Variants in NLGN1 observed in about 807,000 individuals in gnomAD.
NLGN1 encodes the protein neuroligin-1.
A neutral mutation model predicts 65.5 loss-of-function variants in NLGN1; 12 were observed. The observed-to-expected ratio is 0.18, with a 90% confidence interval of 0.12 to 0.30. The LOEUF (loss-of-function observed/expected upper bound fraction) is 0.30. NLGN1 is among the 10% of genes least tolerant of loss of function. NLGN1 has a pLI of 1.00. For synonymous variants in NLGN1, 350 were observed against 359.5 expected (o/e 0.97, Z 0.30); for missense variants, 750 against 1,007.1 (o/e 0.74, Z 3.46).
chr3:173,659,443 A>C (rs1760587712), intron 3 of NLGN1, among the ~76,000 whole-genome samples: 1 of 151,934 alleles, frequency 6.6e-6, no homozygotes, highest in Admixed American at 6.6e-5. Flanking sequence ...TCACTGCATG[A>C]CATAACCATT....
intron 2 of NLGN1, among the ~76,000 whole-genome samples, chr3:173,446,263 G>T (rs1720287671): frequency 7.1e-6 from 1 of 141,564 alleles, no homozygotes. Flanking sequence ...CCCTTCCTGT[G>T]TCCATGTGTT....
rs540170106 is a variant in NLGN1, at chr3:174,038,560, C to A, written c.646+230728C>A. Among the ~76,000 whole-genome samples, 9 of 152,296 alleles carry A rather than the reference C, an allele frequency of 5.9e-5. No individual in the cohort carries two copies. In the East Asian group the frequency reaches 1.7e-3, roughly 29 times the overall value. On this transcript the variant is annotated intron_variant, in intron 4 of 6. Transcript: ENST00000457714. ...TACTAAAAATAAAGTTTAATGCTAA[C>A]CTTTCCACATCATTCTTCTTTAAGG...
intron 4 of NLGN1, among the ~76,000 whole-genome samples, chr3:174,131,651 G>A (rs1394002313): frequency 6.6e-6 from 1 of 152,064 alleles, no homozygotes. Context: ...GTCTGTTTAA[G>A]TAAACTATAA....
intron 3 of NLGN1, among the ~76,000 whole-genome samples, chr3:173,670,513 T>C (rs910017063): frequency 2.0e-5 from 3 of 152,158 alleles, no homozygotes; most frequent in Admixed American, 2.0e-4. Flanking sequence ...AATTATAAGT[T>C]ATTGGTGGTT....
intron 1 of NLGN1, among the ~76,000 whole-genome samples, chr3:173,413,841 T>C (rs73046102): frequency 0.079 from 12,057 of 151,868 alleles, 565 homozygotes; most frequent in Middle Eastern, 0.11. Context: ...GGGCAAAAGG[T>C]TTCAAGAACC....
intron 3 of NLGN1, among the ~76,000 whole-genome samples, chr3:173,626,273 A>G (rs528129912): frequency 2.0e-5 from 3 of 152,232 alleles, no homozygotes; most frequent in East Asian, 1.9e-4. Context: ...GGAAATGAAT[A>G]TTAGTATTAC....
At chr3:173,974,091 A>C (rs1472613422) in intron 4 of NLGN1, among the ~76,000 whole-genome samples, 1 of 152,020 alleles carries the variant, frequency 6.6e-6, no homozygotes, top group Non-Finnish European at 1.5e-5. Flanking sequence ...ACGTAGCCTC[A>C]GGATAAATAA....
At chr3:173,760,728 A>G (rs938946336) in intron 3 of NLGN1, among the ~76,000 whole-genome samples, 4 of 152,026 alleles carry the variant, frequency 2.6e-5, no homozygotes, top group African/African-American at 9.7e-5. Flanking sequence ...AACTTTGATA[A>G]TATTAAACCA....
In NLGN1 at chr3:174,043,177, G is replaced by A. The variant is rs560701814; in HGVS notation, c.647-232138G>A. Among the ~76,000 whole-genome samples, 14 of 152,212 alleles carry A rather than the reference G, an allele frequency of 9.2e-5. No homozygotes were observed. In the East Asian group the frequency reaches 2.5e-3, roughly 27 times the overall value. ...GTTACCTCCACCTGATCCCTCCCAC[G>A]ACATGTGGAGATTATGGGAACTACA... On this transcript the variant is annotated intron_variant, in intron 4 of 6. Transcript: ENST00000457714.
At chr3:174,281,224 A>T (rs765953828) in exon 7 of NLGN1, 2 of 1,613,168 alleles carry the variant, frequency 1.2e-6, no homozygotes, top group Non-Finnish European at 1.7e-6. Flanking sequence ...CACACATTCA[A>T]TACATTTACT....
chr3:173,819,410 C>T (rs188866758), intron 4 of NLGN1, among the ~76,000 whole-genome samples: 4 of 152,266 alleles, frequency 2.6e-5, no homozygotes, highest in African/African-American at 7.2e-5. Context: ...CACAGTTTTC[C>T]TGTCATTCCA....
intron 4 of NLGN1, among the ~76,000 whole-genome samples, chr3:173,964,350 T>G (rs559022288): frequency 1.3e-5 from 2 of 152,186 alleles, no homozygotes; most frequent in Non-Finnish European, 2.9e-5. Flanking sequence ...AGAAAGGTCC[T>G]TAGGGTTATC....
chr3:174,240,196 T>C (rs1447223490), intron 4 of NLGN1, among the ~76,000 whole-genome samples: 2 of 152,036 alleles, frequency 1.3e-5, no homozygotes, highest in African/African-American at 4.8e-5. Context: ...ATCAATACAA[T>C]AGAAAACTGA....
At chr3:174,060,047 A>G (rs1442992115) in intron 4 of NLGN1, among the ~76,000 whole-genome samples, 1 of 152,140 alleles carries the variant, frequency 6.6e-6, no homozygotes, top group Non-Finnish European at 1.5e-5. Flanking sequence ...TTCTAAGGGC[A>G]TTGAGGACAA....
At chr3:174,233,629 T>A (rs989089267) in intron 4 of NLGN1, among the ~76,000 whole-genome samples, 2 of 152,124 alleles carry the variant, frequency 1.3e-5, no homozygotes, top group Non-Finnish European at 2.9e-5. Context: ...CTAGGGACAG[T>A]CATCAATAAA....
intron 4 of NLGN1, among the ~76,000 whole-genome samples, chr3:173,846,934 A>G (rs1725899324): frequency 6.6e-6 from 1 of 152,228 alleles, no homozygotes; most frequent in Non-Finnish European, 1.5e-5. Flanking sequence ...AAATCAAGGA[A>G]TCATGGTAGT....
intron 4 of NLGN1, among the ~76,000 whole-genome samples, chr3:174,264,465 T>G (rs1747599709): frequency 1.3e-5 from 2 of 150,638 alleles, no homozygotes; most frequent in African/African-American, 4.9e-5. Context: ...TTTCTTCTAG[T>G]TGATCGCATC....
chr3:173,893,912 G>A (rs566025341), intron 4 of NLGN1, among the ~76,000 whole-genome samples: 6 of 152,048 alleles, frequency 3.9e-5, no homozygotes, highest in East Asian at 1.9e-4. Flanking sequence ...CTTTGGCCTC[G>A]TGCTACTCAC....
In NLGN1 at chr3:173,530,535, A is replaced by C. The variant is rs953057301; in HGVS notation, c.-320-73744A>C. Among the ~76,000 whole-genome samples the C allele has an allele frequency of 2.0e-5, 3 of 152,250 alleles. No individual in the cohort carries two copies. The South Asian group carries it at 6.2e-4, about 31-fold the overall frequency. The stretch of plus-strand genomic sequence containing the variant: ...GTAATTTTCTGAGGTGAGTTTAGTT[A>C]AATTACTTACAGATATTTAACCATA... On this transcript the variant is annotated intron_variant, in intron 2 of 6. Coordinates refer to ENST00000457714, the Ensembl canonical transcript of NLGN1.
Sources: allele counts gnomAD v4.1 joint callset (sites outside exome capture counted in the v4.1 genomes callset), GRCh38; gene constraint gnomAD v4.1.1; transcripts MANE v1.5; gene names NCBI Gene and HGNC (gene_info 2026-07-23, HGNC 2026-07-21).